The following ENAH variants were observed in gnomAD, a reference collection of about 807,000 sequenced individuals.
ENAH encodes the protein protein enabled homolog.
In ENAH, 23 loss-of-function variants were observed where a neutral mutation model predicts 78.7. The observed-to-expected ratio is 0.29, with a 90% CI of 0.21 to 0.41. ENAH has a LOEUF of 0.41. ENAH is among the 10% of genes least tolerant of loss of function. The pLI is 1.00. For missense variants in ENAH, 544 were observed against 691.0 expected (o/e 0.79, Z 2.39); for synonymous variants, 226 against 241.0 (o/e 0.94, Z 0.58).
At chr1:225,639,614 G>A (rs754664108) in intron 1 of ENAH, among the ~76,000 whole-genome samples, 4 of 151,678 alleles carry the variant, frequency 2.6e-5, no homozygotes, top group Admixed American at 6.6e-5. Flanking sequence ...CTCAGCCTCC[G>A]AACTGTGAAC....
chr1:225,599,053 G>A (rs1261317988), intron 1 of ENAH, among the ~76,000 whole-genome samples: 1 of 152,176 alleles, frequency 6.6e-6, no homozygotes, highest in Non-Finnish European at 1.5e-5. Flanking sequence ...GCCTCCAGAT[G>A]ATGGACTGAA....
chr1:225,562,523 G>C (rs2096711769), intron 2 of ENAH, among the ~76,000 whole-genome samples: 1 of 127,024 alleles, frequency 7.9e-6, no homozygotes. Flanking sequence ...AGTGAGCTGA[G>C]ATCGAGCCAC....
intron 3 of ENAH, among the ~76,000 whole-genome samples, chr1:225,543,942 T>C (rs917163622): frequency 2.6e-5 from 4 of 152,210 alleles, no homozygotes; most frequent in Non-Finnish European, 5.9e-5. Context: ...TCAGAGGCAA[T>C]GCCCCAAAAT....
chr1:225,583,964 C>A (rs1240289920), intron 1 of ENAH, among the ~76,000 whole-genome samples: 1 of 151,994 alleles, frequency 6.6e-6, no homozygotes, highest in Non-Finnish European at 1.5e-5. Context: ...ACCAGCCTGG[C>A]AAACATGGTG....
intron 2 of ENAH, 92 bp downstream of exon 2, chr1:225,567,156 AT>A: frequency 7.2e-7 from 1 of 1,386,164 alleles, no homozygotes. Context: ...GACTATTTTG[AT>A]TACAGTTTTA....
chr1:225,579,565 T>TA (rs2096804457), intron 1 of ENAH, among the ~76,000 whole-genome samples: 1 of 152,216 alleles, frequency 6.6e-6, no homozygotes, highest in Non-Finnish European at 1.5e-5. Flanking sequence ...GGAAACATTT[T>TA]AGACATCAAA....
intron 1 of ENAH, among the ~76,000 whole-genome samples, chr1:225,582,548 A>G (rs142673588): frequency 1.3e-5 from 2 of 152,310 alleles, no homozygotes; most frequent in African/African-American, 2.4e-5. Context: ...CTTAAAGATA[A>G]AAGGATAGAG....
chr1:225,617,691 AG>A (rs1656042286), intron 1 of ENAH, among the ~76,000 whole-genome samples: 1 of 152,204 alleles, frequency 6.6e-6, no homozygotes, highest in Non-Finnish European at 1.5e-5. Flanking sequence ...CCAACTCACT[AG>A]TAAGCTTAGG....
At chr1:225,582,267 A>G (rs2096822806) in intron 1 of ENAH, among the ~76,000 whole-genome samples, 1 of 152,116 alleles carries the variant, frequency 6.6e-6, no homozygotes, top group Admixed American at 6.6e-5. Flanking sequence ...AGCCAGCATC[A>G]TGATTCTTGT....
chr1:225,586,039 C>T (rs2096844456), intron 1 of ENAH, among the ~76,000 whole-genome samples: 1 of 151,830 alleles, frequency 6.6e-6, no homozygotes, highest in African/African-American at 2.4e-5. Context: ...CAAGGTCAGA[C>T]TCTTAACTCT....
At chr1:225,603,431 T>A (rs2096940197) in intron 1 of ENAH, among the ~76,000 whole-genome samples, 1 of 152,132 alleles carries the variant, frequency 6.6e-6, no homozygotes, top group Non-Finnish European at 1.5e-5. Flanking sequence ...TTTATTAATT[T>A]AATAATTACA....
At chr1:225,609,158 A>T (rs2096973855) in intron 1 of ENAH, among the ~76,000 whole-genome samples, 1 of 152,156 alleles carries the variant, frequency 6.6e-6, no homozygotes, top group African/African-American at 2.4e-5. Flanking sequence ...GTTCAACTGG[A>T]ACACAAAGTT....
chr1:225,494,882 AT>A lies in ENAH; in HGVS notation c.*2892del, dbSNP rs1264555793. ...CGTGTAGGAAACTTAAATGAAACAA[AT>A]TTAAACGAAATAGTTACGGTAAAAA... On this transcript the variant is annotated 3_prime_UTR_variant, in exon 14 of 14. Transcript: ENST00000366843. 6.5e-6 allele frequency: 1 copy of A among 152,676 alleles called. No homozygotes were observed. The highest frequency in any genetic ancestry group is 2.4e-5 in the African/African-American group (1 of 41,466). The allele number at this position is 152,676 out of a possible 1,614,324, so 9.5% of individuals were successfully genotyped here.
intron 1 of ENAH, among the ~76,000 whole-genome samples, chr1:225,636,995 AAGAC>A (rs1240131241): frequency 1.3e-5 from 2 of 152,174 alleles, no homozygotes; most frequent in Non-Finnish European, 2.9e-5. Context: ...AGCTTTCCAG[AAGAC>A]AGACAGAATA....
chr1:225,514,793 G>A lies in ENAH; in HGVS notation c.1021C>T (p.Pro341Ser), dbSNP rs1412468599. 6 of 1,413,116 alleles carry A rather than the reference G, an allele frequency of 4.2e-6. No homozygotes were observed. 87.5% of individuals were successfully genotyped at this position (1,413,116 alleles called of 1,614,324 possible). A position where few individuals can be genotyped will look rare whatever the true frequency, so the allele number is the denominator to read the frequency against. Residue 341 changes from proline to serine, a missense_variant, in exon 7 of 14, where the codon CCA becomes TCA. By Grantham distance (74) the Pro-to-Ser change is moderately conservative (BLOSUM62 -1). Transcript: ENST00000366843. ...GGTGGAGGCCCGGTGGATGGGAGTG[G>A]AGGAGGTGGAGGGGGCCCTGGGGGA... Reference protein sequence around the residue: ...PPPPGPPPPPPLPSTGPPPPP... With the variant: ...PPPPGPPPPPSLPSTGPPPPP...
intron 1 of ENAH, among the ~76,000 whole-genome samples, chr1:225,644,650 G>A (rs768838442): frequency 1.8e-4 from 27 of 152,048 alleles, no homozygotes; most frequent in Non-Finnish European, 2.9e-4. Context: ...AAGCTCCCCC[G>A]CTGCCAAGTT....
At chr1:225,646,675 C>T (rs1293833916) in intron 1 of ENAH, among the ~76,000 whole-genome samples, 1 of 151,450 alleles carries the variant, frequency 6.6e-6, no homozygotes, top group Non-Finnish European at 1.5e-5. Flanking sequence ...TGTGGTCCCA[C>T]CTGCTCAGGA....
intron 3 of ENAH, chr1:225,531,079 G>A (rs1246169427): frequency 2.5e-6 from 1 of 398,946 alleles, no homozygotes; most frequent in Non-Finnish European, 4.4e-6. Flanking sequence ...AAACAGGAGA[G>A]AGAGAGAGCA....
intron 1 of ENAH, among the ~76,000 whole-genome samples, chr1:225,570,804 C>CA (rs945994393): frequency 8.8e-5 from 13 of 148,464 alleles, no homozygotes; most frequent in African/African-American, 1.2e-4. Context: ...ACTAAAAATG[C>CA]AAAAAAAAAT....
Sources: gnomAD v4.1 joint callset for allele counts (sites outside exome capture counted in the v4.1 genomes callset) on GRCh38, gnomAD v4.1.1 for gene constraint, MANE v1.5 for transcripts, NCBI Gene and HGNC (gene_info 2026-07-23, HGNC 2026-07-21) for gene names.